Variants in TLE6 observed in about 807,000 individuals in gnomAD.
TLE6 encodes the protein transducin-like enhancer protein 6.
TLE6 carries 72 observed loss-of-function variants against 77.1 expected under a neutral mutation model. The ratio of observed to expected loss-of-function variants is 0.93; its 90% CI spans 0.77 to 1.14. The LOEUF is 1.14. Ranked by LOEUF, TLE6 falls within the 50% of genes most tolerant of loss-of-function variation. TLE6 has a pLI of 0.00. For synonymous variants in TLE6, 366 were observed against 287.3 expected (o/e 1.27, Z -2.77); for missense variants, 843 against 747.6 (o/e 1.13, Z -1.49).
At chr19:2,980,069 G>T in intron 2 of TLE6, 31 bp from the exon 3 acceptor site, 1 of 1,540,246 alleles carries the variant, frequency 6.5e-7, no homozygotes, top group South Asian at 1.2e-5. Flanking sequence ...AGCATTGTAA[G>T]TTTTATGTAA....
chr19:2,995,034 C>A lies in TLE6; in HGVS notation c.*30C>A. The A allele has an allele frequency of 2.9e-6, 4 of 1,388,766 alleles. No individual in the cohort carries two copies. The highest frequency in any genetic ancestry group is 4.0e-6 in the Non-Finnish European group (4 of 1,010,218). 86.0% of individuals were successfully genotyped at this position (1,388,766 alleles called of 1,614,324 possible). A position where few individuals can be genotyped will look rare whatever the true frequency, so the allele number is the denominator to read the frequency against. ...CCTCGCTGCTGTCATCCCACTCCGGCTCCTCTTTTCATCCCCCCCCTTCCC... is the reference window on the plus strand; with the variant it reads ...CCTCGCTGCTGTCATCCCACTCCGGATCCTCTTTTCATCCCCCCCCTTCCC... On this transcript the variant is annotated 3_prime_UTR_variant, in exon 17 of 17. Coordinates refer to ENST00000246112, the MANE Select transcript of TLE6 (RefSeq NM_001143986.2).
intron 8 of TLE6, 83 bp from the exon 9 acceptor site, chr19:2,987,641 C>T: frequency 6.7e-7 from 1 of 1,495,268 alleles, no homozygotes; most frequent in Non-Finnish European, 9.3e-7. Flanking sequence ...CTGACAAGCC[C>T]TGTGCAAGCT....
At chr19:2,990,668 CATAAAT>C in intron 13 of TLE6, among the ~76,000 whole-genome samples, 1 of 78,590 alleles carries the variant, frequency 1.3e-5, no homozygotes, top group East Asian at 2.0e-4. Flanking sequence ...TAAATATATA[CATAAAT>C]ATATACATAA....
chr19:2,985,723 T>A (rs2088895099), intron 5 of TLE6, among the ~76,000 whole-genome samples: 1 of 146,014 alleles, frequency 6.8e-6, no homozygotes. Flanking sequence ...CCGGCCTGCT[T>A]GAAGTCATTT....
At position 2,995,044 on chromosome 19, in the gene TLE6, CA is replaced by C; in HGVS notation, c.*41del. On this transcript the variant is annotated 3_prime_UTR_variant, in exon 17 of 17. Coordinates refer to ENST00000246112, the MANE Select transcript of TLE6 (RefSeq NM_001143986.2). ...GTCATCCCACTCCGGCTCCTCTTTT[CA>C]TCCCCCCCCTTCCCCCCCCCCAACA... is the stretch of plus-strand genomic sequence containing the variant. 1 of 1,231,860 alleles carries C rather than the reference CA, an allele frequency of 8.1e-7. No individual in the cohort carries two copies. The highest frequency in any genetic ancestry group is 1.1e-6 in the Non-Finnish European group (1 of 883,180). 76.3% of individuals were successfully genotyped at this position (1,231,860 alleles called of 1,614,324 possible). A position where few individuals can be genotyped will look rare whatever the true frequency, so the allele number is the denominator to read the frequency against.
Position 2,978,206 on chromosome 19 carries a change from TAA to T in TLE6, c.-26_-25del, listed in dbSNP as rs1200838327. 35 of 1,550,594 alleles carry T rather than the reference TAA, an allele frequency of 2.3e-5. No individual in the cohort carries two copies. Among genetic ancestry groups the T allele is most frequent in the Non-Finnish European group, 2.9e-5 (33 of 1,146,324 alleles). ...TCTCCTTGTTGTTTTAGACTCTGGC[TAA>T]AGTCTTGGAGGCTACTGCCTTGAAG... is the stretch of plus-strand genomic sequence containing the variant. On this transcript the variant is annotated 5_prime_UTR_variant, in exon 2 of 17. Coordinates refer to ENST00000246112, the MANE Select transcript of TLE6 (RefSeq NM_001143986.2).
chr19:2,977,453 T>C (rs1168221638), upstream of TLE6: 3 of 145,354 alleles, frequency 2.1e-5, no homozygotes, highest in Non-Finnish European at 4.6e-5. Flanking sequence ...TTCATTGATC[T>C]GCTTCGCGGT....
intron 16 of TLE6, 114 bp downstream of exon 16, chr19:2,994,209 C>T (rs1194068237): frequency 2.2e-5 from 18 of 835,708 alleles, no homozygotes; most frequent in African/African-American, 3.4e-5. Context: ...GGTGTGGTGG[C>T]TCACGGCTTT....
At chr19:2,990,419 C>T (rs962989419) in intron 13 of TLE6, among the ~76,000 whole-genome samples, 3 of 150,866 alleles carry the variant, frequency 2.0e-5, no homozygotes, top group Admixed American at 6.6e-5. Flanking sequence ...CTAGCTGACA[C>T]GGTGAAACCC....
At chr19:2,994,789 G>GC in intron 16 of TLE6, 111 bp from the exon 17 acceptor site, 5 of 646,692 alleles carry the variant, frequency 7.7e-6, no homozygotes, top group Non-Finnish European at 1.4e-5. Flanking sequence ...GGGCAACAGA[G>GC]CAAGACCCTG....
At chr19:2,992,839 A>G (rs950714977) in intron 14 of TLE6, among the ~76,000 whole-genome samples, 3 of 140,164 alleles carry the variant, frequency 2.1e-5, no homozygotes, top group Non-Finnish European at 4.6e-5. Flanking sequence ...TCTGGGAAGG[A>G]AAAAAGGTAG....
chr19:2,991,518 C>A (rs990097073), intron 13 of TLE6, among the ~76,000 whole-genome samples: 2 of 151,130 alleles, frequency 1.3e-5, no homozygotes, highest in African/African-American at 4.9e-5. Context: ...GCACACCACC[C>A]GCCCGGCACT....
rs746398203 is a variant in TLE6 at position 2,989,696 on chromosome 19, G to A, written c.1155G>A (p.Leu385=). Residue 385 remains leucine (L), a synonymous_variant, in exon 13 of 17, where the codon CTG becomes CTA. Coordinates refer to ENST00000246112, the MANE Select transcript of TLE6 (RefSeq NM_001143986.2). ...GTGCAGGTCTCAACTGCCAGGCCCT[G>A]GATGCCAACCTGGATGCCAACCTGG... The part of the protein sequence containing the change: ...LPCAGLNCQA[L]DANLDANLAF... 2 of 1,614,130 alleles carry A rather than the reference G, an allele frequency of 1.2e-6. No individual in the cohort carries two copies. The highest frequency in any genetic ancestry group is 1.6e-4 in the Middle Eastern group (1 of 6,062).
Position 2,989,218 on chromosome 19 carries a change from C to T in TLE6, c.898C>T (p.His300Tyr). ...LATAISSFTR[H>Y]VFTCGRRGIK... ...CACGGCCATCAGCAGCTTCACGCGG[C>T]ACGTGTTCACCTGTGGCAGAAGAGG... The change falls in exon 12 of 17, where the codon CAC becomes TAC. Residue 300 changes from histidine to tyrosine, a missense_variant. By Grantham distance (83) the His-to-Tyr change is moderately conservative. Transcript: ENST00000246112. 2 of 1,614,118 alleles carry T rather than the reference C, an allele frequency of 1.2e-6. No homozygotes were observed. Among genetic ancestry groups the T allele is most frequent in the Non-Finnish European group, 1.7e-6 (2 of 1,180,040 alleles).
chr19:2,980,814 G>A (rs565210225), intron 3 of TLE6, among the ~76,000 whole-genome samples: 1 of 152,054 alleles, frequency 6.6e-6, no homozygotes, highest in Admixed American at 6.6e-5. Flanking sequence ...ACTTTGGGAG[G>A]CAGAGGCAGG....
chr19:2,993,548 CA>C lies in TLE6; in HGVS notation c.1504del (p.Ser502AlafsTer4). On this transcript the variant is annotated frameshift_variant, in exon 15 of 17. Coordinates refer to ENST00000246112, the MANE Select transcript of TLE6 (RefSeq NM_001143986.2). LOFTEE classifies it high-confidence loss of function. ...AGCGGCACATGGTGGGGCAAAAAGA[CA>C]GCGTCATCCTGAGCGTCAAGTTCTC... The part of the protein sequence containing the change: ...SQRHMVGQKD[S>X]VILSVKFSPF... 1 of 1,583,446 alleles carries C rather than the reference CA, an allele frequency of 6.3e-7. No homozygotes were observed. The highest frequency in any genetic ancestry group is 8.6e-7 in the Non-Finnish European group (1 of 1,157,616).
chr19:2,980,232 C>T, intron 3 of TLE6, 50 bp downstream of exon 3: 1 of 1,469,094 alleles, frequency 6.8e-7, no homozygotes, highest in South Asian at 1.2e-5. Flanking sequence ...AGGAGCCCCA[C>T]CTGGCCTCTC....
Position 2,989,057 on chromosome 19 carries a change from C to T in TLE6, c.741-4C>T, listed in dbSNP as rs367617950. On this transcript the variant is annotated splice_polypyrimidine_tract_variant and splice_region_variant and intron_variant, in intron 11 of 16. Coordinates refer to ENST00000246112, the MANE Select transcript of TLE6 (RefSeq NM_001143986.2). ...TCAGTTACCCCAAGGCCTCCCCTCC[C>T]AAGATCCTGGGACCCTGAGGACTTT... 2 of 1,611,506 alleles carry T rather than the reference C, an allele frequency of 1.2e-6. No homozygotes were observed. The highest frequency in any genetic ancestry group is 1.7e-6 in the Non-Finnish European group (2 of 1,177,880).
At chr19:2,983,376 AG>A (rs1403289521) in intron 5 of TLE6, among the ~76,000 whole-genome samples, 1 of 151,976 alleles carries the variant, frequency 6.6e-6, no homozygotes, top group Non-Finnish European at 1.5e-5. Flanking sequence ...AGCAGCCCCA[AG>A]GGGATTGGGG....
Sources: gnomAD v4.1 joint callset for allele counts (sites outside exome capture counted in the v4.1 genomes callset) on GRCh38, gnomAD v4.1.1 for gene constraint, MANE v1.5 for transcripts, NCBI Gene and HGNC (gene_info 2026-07-23, HGNC 2026-07-21) for gene names.